The following MYH10 variants were observed in gnomAD, a reference collection of about 807,000 sequenced individuals.
MYH10 encodes myosin heavy chain 10, also known as myosin-10.
A neutral mutation model predicts 257.8 loss-of-function variants in MYH10; 55 were observed. The observed-to-expected ratio is 0.21, with a 90% CI of 0.17 to 0.27. The LOEUF (loss-of-function observed/expected upper bound fraction) is 0.27, where lower values mean the gene tolerates loss of function less well. MYH10 is among the 10% of genes least tolerant of loss of function. The pLI is 1.00. For missense variants in MYH10, 1,631 were observed against 2,500.6 expected (o/e 0.65, Z 7.42); for synonymous variants, 854 against 921.7 (o/e 0.93, Z 1.33).
chr17:8,519,333 A>G (rs2081574214), intron 19 of MYH10, among the ~76,000 whole-genome samples: 2 of 152,218 alleles, frequency 1.3e-5, no homozygotes, highest in South Asian at 4.1e-4. Flanking sequence ...CATTTATTAG[A>G]TAACAGGAAG....
Position 8,535,096 on chromosome 17 carries a change from G to A in MYH10, c.1894+291C>T, listed in dbSNP as rs557185536. Among the ~76,000 whole-genome samples the A allele has an allele frequency of 7.9e-5, 12 of 152,222 alleles. No homozygotes were observed. Among genetic ancestry groups the A allele is most frequent in the African/African-American group, 2.9e-4 (12 of 41,530 alleles). ...AGTGTTCCTGGATTACAACTGACTT[G>A]GGACTGTGGTGGCCTAAGTCATACG... On this transcript the variant is annotated intron_variant, in intron 16 of 42. Transcript: ENST00000360416. The surrounding 1 kb of genome is among the most constrained non-coding windows in gnomAD (Gnocchi z 4.3).
chr17:8,576,381 T>G (rs566156566), intron 6 of MYH10, among the ~76,000 whole-genome samples: 11 of 152,286 alleles, frequency 7.2e-5, no homozygotes, highest in Admixed American at 2.0e-4. Flanking sequence ...CCATAATTTA[T>G]AGGCTTCATA....
At chr17:8,601,241 G>C (rs971927654) in intron 3 of MYH10, among the ~76,000 whole-genome samples, 1 of 152,164 alleles carries the variant, frequency 6.6e-6, no homozygotes, top group African/African-American at 2.4e-5. Flanking sequence ...AGGAACAAAG[G>C]AAGACAAGCC....
At chr17:8,543,937 C>T (rs907061201) in intron 13 of MYH10, among the ~76,000 whole-genome samples, 2 of 152,216 alleles carry the variant, frequency 1.3e-5, no homozygotes, top group African/African-American at 4.8e-5. Context: ...TCCCTATTAT[C>T]AACCAGTATC....
rs112326929 is a variant in MYH10, at chr17:8,499,342, C to T, written c.3879G>A (p.Gln1293=). 1.4e-5 allele frequency: 23 copies of T among 1,614,172 alleles called. No homozygotes were observed. Among genetic ancestry groups the T allele is most frequent in the African/African-American group, 1.3e-4 (10 of 75,032 alleles). The change falls in exon 30 of 43, where the codon CAG becomes CAA. Residue 1293 remains glutamine, a synonymous_variant. Coordinates refer to ENST00000360416, the MANE Select transcript of MYH10 (RefSeq NM_001256012.3). ...CTTCAGAGACCTTGGCATGGAGCTC[C>T]TGGACCTGCGCGTCGAGCTTCTTCC... The part of the protein sequence containing the change: ...HKRKKLDAQV[Q]ELHAKVSEGD...
chr17:8,501,692 A>G (rs528416613), intron 28 of MYH10, among the ~76,000 whole-genome samples: 45 of 152,278 alleles, frequency 3.0e-4, no homozygotes, highest in African/African-American at 8.9e-4. Context: ...AGGCAGCTCA[A>G]AGGGTTCAGA....
chr17:8,481,055 T>C (rs1347845257), intron 38 of MYH10, among the ~76,000 whole-genome samples: 4 of 55,256 alleles, frequency 7.2e-5, no homozygotes, highest in Non-Finnish European at 1.7e-4. Flanking sequence ...GCAGTGCCCG[T>C]TGGCGCACCC....
chr17:8,508,615 T>C lies in MYH10; in HGVS notation c.3153A>G (p.Glu1051=), dbSNP rs764411551. The C allele has an allele frequency of 6.2e-7, 1 of 1,614,160 alleles. No individual in the cohort carries two copies. The highest frequency in any genetic ancestry group is 2.2e-5 in the East Asian group (1 of 44,874). The change falls in exon 26 of 43, where the codon GAA becomes GAG. Residue 1051 remains glutamate, a synonymous_variant. Coordinates refer to ENST00000360416, the MANE Select transcript of MYH10 (RefSeq NM_001256012.3). ...TGATTTTGGCCAAGTTTTTCGCCTT[T>C]TCTTCCTCTTCAGCCAGCTGAGAGG... ...ECSSQLAEEE[E]KAKNLAKIRN... is the part of the protein sequence containing the mutation.
intron 4 of MYH10, among the ~76,000 whole-genome samples, chr17:8,585,100 C>T (rs10048190): frequency 0.69 from 103,983 of 151,286 alleles, 35,815 homozygotes; most frequent in East Asian, 0.77. Context: ...ACCTTGGCCT[C>T]CCAAAGTGCT....
At position 8,624,915 on chromosome 17, in the gene MYH10, C is replaced by T. The variant is rs151088017; in HGVS notation, c.-31-1638G>A. Among the ~76,000 whole-genome samples, 28 of 152,254 alleles carry T rather than the reference C, an allele frequency of 1.8e-4. No homozygotes were observed. In the East Asian group the frequency reaches 4.3e-3, roughly 23 times the overall value. Reference sequence around the variant, plus strand: ...CAGAAAAATTTAAAAATTAGCCAGGCGTGTTGGTGCATATCTAGCCCTTTA... The same window carrying T: ...CAGAAAAATTTAAAAATTAGCCAGGTGTGTTGGTGCATATCTAGCCCTTTA... On this transcript the variant is annotated intron_variant, in intron 1 of 42. Coordinates refer to ENST00000360416, the MANE Select transcript of MYH10 (RefSeq NM_001256012.3).
chr17:8,517,405 G>A (rs2081506959), intron 21 of MYH10, among the ~76,000 whole-genome samples: 1 of 152,156 alleles, frequency 6.6e-6, no homozygotes, highest in South Asian at 2.1e-4. Flanking sequence ...ACAGAGTGCT[G>A]ACTTCCAGTC....
chr17:8,561,643 TAAAAAA>T, intron 7 of MYH10: 2 of 549,844 alleles, frequency 3.6e-6, no homozygotes, highest in South Asian at 4.1e-5. Flanking sequence ...AAATTGTACT[TAAAAAA>T]AAAAAAAAAA....
chr17:8,496,711 C>T (rs1284294913), intron 30 of MYH10, among the ~76,000 whole-genome samples: 2 of 152,230 alleles, frequency 1.3e-5, no homozygotes, highest in African/African-American at 4.8e-5. Context: ...TCAGTACCTA[C>T]ACGTTAACAC....
At chr17:8,481,455 C>T in intron 37 of MYH10, 45 bp from the exon 38 acceptor site, 1 of 1,574,538 alleles carries the variant, frequency 6.4e-7, no homozygotes, top group East Asian at 2.3e-5. Flanking sequence ...GAATAGTTTC[C>T]TCACCTGTGG....
intron 40 of MYH10, 144 bp downstream of exon 40, chr17:8,479,966 C>T: frequency 1.4e-6 from 1 of 737,400 alleles, no homozygotes; most frequent in Non-Finnish European, 2.2e-6. Context: ...TCTCTCACAG[C>T]TCACACCAAC....
At chr17:8,612,839 G>C (rs979603193) in intron 2 of MYH10, among the ~76,000 whole-genome samples, 2 of 150,942 alleles carry the variant, frequency 1.3e-5, no homozygotes, top group Admixed American at 6.6e-5. Context: ...TACAGAGGGA[G>C]ACTCTGTTCT....
At chr17:8,565,770 G>C (rs992296560) in intron 7 of MYH10, among the ~76,000 whole-genome samples, 1 of 152,160 alleles carries the variant, frequency 6.6e-6, no homozygotes, top group African/African-American at 2.4e-5. Context: ...TCTTTCCTGT[G>C]TGCTGCTTCC....
At chr17:8,524,491 A>G (rs1160478288) in intron 17 of MYH10, among the ~76,000 whole-genome samples, 7 of 139,256 alleles carry the variant, frequency 5.0e-5, no homozygotes, top group Non-Finnish European at 7.8e-5. Flanking sequence ...AAAAAAAAAA[A>G]AGGATATGGA....
rs754967847 is a variant in MYH10, at chr17:8,619,087, C to T, written c.345+3815G>A. ...CAACTCAAATAACTACCCACATGCT[C>T]GTCCTCAAGGCAACCATCATACATT... is the stretch of plus-strand genomic sequence containing the variant. On this transcript the variant is annotated intron_variant, in intron 2 of 42. Coordinates refer to ENST00000360416, the MANE Select transcript of MYH10 (RefSeq NM_001256012.3). 3.9e-5 allele frequency among the ~76,000 whole-genome samples: 6 copies of T among 152,290 alleles called. No homozygotes were observed. The South Asian group carries it at 1.2e-3, about 32-fold the overall frequency.
Sources: gnomAD v4.1 joint callset for allele counts (sites outside exome capture counted in the v4.1 genomes callset) on GRCh38, gnomAD v4.1.1 for gene constraint, Gnocchi (gnomAD v3.1) non-coding constraint, MANE v1.5 for transcripts, NCBI Gene and HGNC (gene_info 2026-07-23, HGNC 2026-07-21) for gene names.